Variants in TMEM132D observed in about 807,000 individuals in gnomAD.
TMEM132D encodes the protein mature OL transmembrane protein.
Under a neutral mutation model 62.3 loss-of-function variants are expected in TMEM132D, and 21 were observed. The observed-to-expected ratio is 0.34, with a 90% CI of 0.24 to 0.49. The LOEUF (loss-of-function observed/expected upper bound fraction) is 0.49, where lower values mean the gene tolerates loss of function less well. TMEM132D is among the 20% of genes least tolerant of loss of function. The pLI, the probability that TMEM132D is intolerant of heterozygous loss-of-function variation, is 0.99. For missense variants in TMEM132D, 1,346 were observed against 1,402.8 expected, an observed-to-expected ratio of 0.96 and a Z score of 0.65; for synonymous variants, 621 against 575.6, an observed-to-expected ratio of 1.08 and a Z score of -1.13.
chr12:129,420,315 T>TTTTTTTTTG (rs1872272997), intron 3 of TMEM132D, among the ~76,000 whole-genome samples: 1 of 58,134 alleles, frequency 1.7e-5, no homozygotes, highest in Non-Finnish European at 5.5e-5. Flanking sequence ...TGTTTTTTTT[T>TTTTTTTTTG]TTTTTTTTTT....
At chr12:129,485,369 G>A (rs1874552471) in intron 3 of TMEM132D, among the ~76,000 whole-genome samples, 1 of 152,192 alleles carries the variant, frequency 6.6e-6, no homozygotes, top group Non-Finnish European at 1.5e-5. Context: ...ATGGATTCCA[G>A]CCACCAGGGA....
chr12:129,767,370 G>T (rs1870585220), intron 1 of TMEM132D, among the ~76,000 whole-genome samples: 1 of 151,624 alleles, frequency 6.6e-6, no homozygotes, highest in Non-Finnish European at 1.5e-5. Flanking sequence ...AACTAAGATG[G>T]GTAGAGGTGA....
At chr12:129,190,061 G>A (rs919814355) in intron 5 of TMEM132D, among the ~76,000 whole-genome samples, 3 of 151,136 alleles carry the variant, frequency 2.0e-5, no homozygotes, top group Non-Finnish European at 4.4e-5. Context: ...GAAGGGTCTT[G>A]GGACGGCCTG....
intron 1 of TMEM132D, among the ~76,000 whole-genome samples, chr12:129,840,727 A>G (rs1249587156): frequency 6.6e-6 from 1 of 152,190 alleles, no homozygotes; most frequent in African/African-American, 2.4e-5. Context: ...CCACCCTGGC[A>G]GCCTGGGCAA....
At chr12:129,544,963 G>A (rs951238956) in intron 2 of TMEM132D, among the ~76,000 whole-genome samples, 2 of 152,262 alleles carry the variant, frequency 1.3e-5, no homozygotes, top group African/African-American at 2.4e-5. Context: ...TACAACAGCC[G>A]CATCCCTAAG....
chr12:129,790,034 C>T (rs1278705330), intron 1 of TMEM132D, among the ~76,000 whole-genome samples: 3 of 152,172 alleles, frequency 2.0e-5, no homozygotes, highest in African/African-American at 7.2e-5. Context: ...CTAGAACTAG[C>T]GGGCTGCTTC....
intron 2 of TMEM132D, among the ~76,000 whole-genome samples, chr12:129,532,319 A>G (rs980152259): frequency 1.3e-5 from 2 of 152,126 alleles, no homozygotes; most frequent in African/African-American, 4.8e-5. Context: ...CATTGTGCCT[A>G]TATAAACATG....
chr12:129,512,767 G>A (rs974835912), intron 3 of TMEM132D, among the ~76,000 whole-genome samples: 16 of 152,168 alleles, frequency 1.1e-4, no homozygotes, highest in African/African-American at 3.4e-4. Context: ...CTGGCTACAC[G>A]CATGTCCACA....
chr12:129,699,682 A>C, intron 2 of TMEM132D, 128 bp downstream of exon 2: 2 of 1,150,550 alleles, frequency 1.7e-6, no homozygotes, highest in Non-Finnish European at 2.5e-6. Context: ...GTGCAGATGG[A>C]GTTTGTAAGA....
intron 3 of TMEM132D, among the ~76,000 whole-genome samples, chr12:129,379,030 A>C (rs1029116607): frequency 2.0e-5 from 3 of 152,208 alleles, no homozygotes; most frequent in South Asian, 2.1e-4. Context: ...TCAATGGATT[A>C]ACTTTAATGA....
Position 129,073,122 on chromosome 12 carries a change from CT to C in TMEM132D, c.*752del, listed in dbSNP as rs1874126245. 1.3e-5 allele frequency: 2 copies of C among 152,216 alleles called. No individual in the cohort carries two copies. The highest frequency in any genetic ancestry group is 4.8e-5 in the African/African-American group (2 of 41,454). 9.4% of individuals were successfully genotyped at this position (152,216 alleles called of 1,614,324 possible). A position where few individuals can be genotyped will look rare whatever the true frequency, so the allele number is the denominator to read the frequency against. ...TGATATGAATCAAAAGAGCGTGGTT[CT>C]TTGAACCTGATTCAAATTCTATGCC... On this transcript the variant is annotated 3_prime_UTR_variant, in exon 9 of 9. Transcript: ENST00000422113.
intron 2 of TMEM132D, among the ~76,000 whole-genome samples, chr12:129,576,793 G>A (rs1877674870): frequency 6.6e-6 from 1 of 151,882 alleles, no homozygotes; most frequent in Non-Finnish European, 1.5e-5. Flanking sequence ...TATTTTGTAT[G>A]TTATATGTAT....
At chr12:129,510,338 G>C (rs1447413942) in intron 3 of TMEM132D, among the ~76,000 whole-genome samples, 1 of 151,912 alleles carries the variant, frequency 6.6e-6, no homozygotes, top group Non-Finnish European at 1.5e-5. Context: ...AGAGTTGTTA[G>C]AGCTCCTTAT....
At chr12:129,255,281 G>T (rs1480991512) in intron 4 of TMEM132D, among the ~76,000 whole-genome samples, 1 of 152,166 alleles carries the variant, frequency 6.6e-6, no homozygotes, top group African/African-American at 2.4e-5. Flanking sequence ...TTATAGTAGT[G>T]TGAGAATGGA....
rs1234150980 is a variant in TMEM132D, at chr12:129,482,531, T to C, written c.1115+48528A>G. 4.6e-5 allele frequency among the ~76,000 whole-genome samples: 7 copies of C among 152,316 alleles called. No homozygotes were observed. In the East Asian group the frequency reaches 7.7e-4, roughly 17 times the overall value. On this transcript the variant is annotated intron_variant, in intron 3 of 8. Coordinates refer to ENST00000422113, the MANE Select transcript of TMEM132D (RefSeq NM_133448.3). The stretch of plus-strand genomic sequence containing the variant: ...AGACTTCACCAGGTTGTTGACACCA[T>C]ATTAGGAAGGTGGGATGAGGTGGAG...
At chr12:129,121,707 C>A (rs906610128) in intron 5 of TMEM132D, among the ~76,000 whole-genome samples, 1 of 152,172 alleles carries the variant, frequency 6.6e-6, no homozygotes, top group African/African-American at 2.4e-5. Flanking sequence ...CTACACTACA[C>A]CCCGGCCACC....
intron 3 of TMEM132D, among the ~76,000 whole-genome samples, chr12:129,388,782 CTGATGATAATAT>C: frequency 8.5e-6 from 1 of 118,294 alleles, no homozygotes; most frequent in East Asian, 2.1e-4. Context: ...CAATCCAGCA[CTGATGATAATAT>C]TAACACCAAC....
intron 5 of TMEM132D, among the ~76,000 whole-genome samples, chr12:129,205,675 A>G (rs1435008279): frequency 6.6e-6 from 1 of 152,156 alleles, no homozygotes; most frequent in African/African-American, 2.4e-5. Context: ...CCTCATAGAC[A>G]TCTACAAAAC....
chr12:129,315,284 C>T (rs924437268), intron 4 of TMEM132D, among the ~76,000 whole-genome samples: 1 of 152,120 alleles, frequency 6.6e-6, no homozygotes, highest in Non-Finnish European at 1.5e-5. Context: ...GTGAGTTTGT[C>T]ATAGATGGCT....
Sources: gnomAD v4.1 joint callset for allele counts (sites outside exome capture counted in the v4.1 genomes callset) on GRCh38, gnomAD v4.1.1 for gene constraint, MANE v1.5 for transcripts, NCBI Gene and HGNC (gene_info 2026-07-23, HGNC 2026-07-21) for gene names.